Variants in GLMN observed in about 807,000 individuals in gnomAD.
The protein encoded by GLMN is glomulin, FKBP associated protein.
In GLMN, 75 loss-of-function variants were observed where a neutral mutation model predicts 87.8. That is an observed-to-expected ratio of 0.85 (90% CI 0.71 to 1.04). GLMN has a LOEUF of 1.04. Ranked by LOEUF, GLMN falls within the 50% of genes least tolerant of loss-of-function variation. The pLI is 0.00. For missense variants in GLMN, 588 were observed against 658.8 expected (o/e 0.89, Z 1.18); for synonymous variants, 206 against 221.6 (o/e 0.93, Z 0.63).
the GLMN span, among the ~76,000 whole-genome samples, chr1:92,323,042 C>A: frequency 7.0e-6 from 1 of 142,530 alleles, no homozygotes; most frequent in Non-Finnish European, 1.5e-5. Flanking sequence ...ATTTATATAT[C>A]TTTATATTTA....
intron 7 of GLMN, among the ~76,000 whole-genome samples, chr1:92,272,489 T>A (rs946168554): frequency 1.3e-5 from 2 of 152,204 alleles, no homozygotes. Flanking sequence ...ATTTTATGTA[T>A]ATTTCACCAC....
chr1:92,272,235 C>T (rs1335476475), intron 7 of GLMN, among the ~76,000 whole-genome samples: 1 of 152,236 alleles, frequency 6.6e-6, no homozygotes, highest in Non-Finnish European at 1.5e-5. Flanking sequence ...AACAACTGGC[C>T]TGTAGCCCAA....
chr1:92,298,025 A>T lies in GLMN; in HGVS notation c.-26T>A, dbSNP rs1452992586. ...TCTTATTTCTCCTAGTTTCGATGCT[A>T]AAATCTACAAATACAAAACACACTG... On this transcript the variant is annotated 5_prime_UTR_variant, in exon 2 of 19. Coordinates refer to ENST00000370360, the MANE Select transcript of GLMN (RefSeq NM_053274.3). The T allele has an allele frequency of 1.7e-5, 24 of 1,377,034 alleles. No individual in the cohort carries two copies. Among genetic ancestry groups the T allele is most frequent in the Non-Finnish European group, 2.4e-5 (23 of 964,674 alleles). The allele number at this position is 1,377,034 out of a possible 1,614,324, so 85.3% of individuals were successfully genotyped here.
At chr1:92,252,290 A>G (rs917973440) in intron 16 of GLMN, among the ~76,000 whole-genome samples, 1 of 152,214 alleles carries the variant, frequency 6.6e-6, no homozygotes, top group African/African-American at 2.4e-5. Flanking sequence ...TCATGCCTGT[A>G]ATCCCAGATG....
chr1:92,266,564 A>ACC, intron 12 of GLMN, 72 bp from the exon 13 acceptor site: 3 of 1,025,592 alleles, frequency 2.9e-6, no homozygotes, highest in Non-Finnish European at 4.6e-6. Flanking sequence ...TATCCATTTT[A>ACC]TGCATGTAAT....
the GLMN span, among the ~76,000 whole-genome samples, chr1:92,329,626 C>T: frequency 2.0e-5 from 3 of 152,140 alleles, no homozygotes; most frequent in Admixed American, 2.0e-4. Context: ...CTCCACATGC[C>T]GCTCTGTCTG....
At chr1:92,350,630 T>C in the GLMN span, among the ~76,000 whole-genome samples, 3 of 152,248 alleles carry the variant, frequency 2.0e-5, no homozygotes, top group Non-Finnish European at 2.9e-5. Context: ...TAAAAATGTA[T>C]ATAAGTATAT....
the GLMN span, among the ~76,000 whole-genome samples, chr1:92,340,753 A>G: frequency 6.6e-6 from 1 of 152,148 alleles, no homozygotes. Context: ...CAGTGAATAG[A>G]GCTGTCTTTT....
the GLMN span, among the ~76,000 whole-genome samples, chr1:92,315,836 C>T: frequency 3.9e-5 from 6 of 152,144 alleles, no homozygotes; most frequent in South Asian, 1.2e-3. Flanking sequence ...CAGTGGTTCT[C>T]ACAAAATGTC....
chr1:92,255,031 C>T (rs1429980710), intron 16 of GLMN, among the ~76,000 whole-genome samples: 3 of 151,102 alleles, frequency 2.0e-5, no homozygotes, highest in African/African-American at 7.3e-5. Context: ...TGAAAAGACA[C>T]ACATAGGCTC....
chr1:92,301,502 G>A (rs1650855992), upstream of GLMN: 3 of 1,593,232 alleles, frequency 1.9e-6, no homozygotes, highest in African/African-American at 2.7e-5. Context: ...GCAGCTGTGA[G>A]AAAGAAGATT....
chr1:92,307,662 T>C, the GLMN span, among the ~76,000 whole-genome samples: 3 of 152,168 alleles, frequency 2.0e-5, no homozygotes, highest in Non-Finnish European at 2.9e-5. Flanking sequence ...AAAGTTCAGG[T>C]TCATTTAATC....
chr1:92,285,381 G>A (rs1024221096), intron 7 of GLMN, among the ~76,000 whole-genome samples: 21 of 152,082 alleles, frequency 1.4e-4, no homozygotes, highest in Middle Eastern at 3.4e-3. Flanking sequence ...ACCAAACACC[G>A]CAGGTTCTTA....
At chr1:92,366,391 A>G in the GLMN span, among the ~76,000 whole-genome samples, 1 of 152,228 alleles carries the variant, frequency 6.6e-6, no homozygotes, top group Non-Finnish European at 1.5e-5. Context: ...ACTGAAAAAC[A>G]ACATCAATAA....
At chr1:92,259,728 C>CTTTTTTTTT (rs1654757103) in intron 16 of GLMN, among the ~76,000 whole-genome samples, 1 of 111,180 alleles carries the variant, frequency 9.0e-6, no homozygotes. Flanking sequence ...TCTTTTTTTT[C>CTTTTTTTTT]TTTCTTTTTT....
At chr1:92,282,578 A>C (rs1317326702) in intron 7 of GLMN, among the ~76,000 whole-genome samples, 1 of 152,232 alleles carries the variant, frequency 6.6e-6, no homozygotes, top group Non-Finnish European at 1.5e-5. Flanking sequence ...GAAAAGCAAG[A>C]GCAAACAAAT....
intron 7 of GLMN, among the ~76,000 whole-genome samples, chr1:92,283,064 A>G (rs2100999270): frequency 6.6e-6 from 1 of 152,332 alleles, no homozygotes. Context: ...AGGAGATGGT[A>G]CCATTCCTTC....
the GLMN span, among the ~76,000 whole-genome samples, chr1:92,358,104 G>A: frequency 1.3e-5 from 2 of 152,142 alleles, no homozygotes; most frequent in African/African-American, 4.8e-5. Flanking sequence ...GTCTTTCAGA[G>A]ATCTGGAGCC....
Position 92,266,698 on chromosome 1 carries a change from A to G in GLMN, c.1140+2T>C. 2 of 1,577,520 alleles carry G rather than the reference A, an allele frequency of 1.3e-6. No individual in the cohort carries two copies. Among genetic ancestry groups the G allele is most frequent in the African/African-American group, 1.3e-5 (1 of 74,350 alleles). On this transcript the variant is annotated splice_donor_variant, in intron 12 of 18. Transcript: ENST00000370360. LOFTEE classifies it high-confidence loss of function. ...TTCTTTAGTCACCAAATATTTACAT[A>G]CCAGTGTCTCAATGGGGCAAAGTGT...
Sources: allele counts gnomAD v4.1 joint callset (sites outside exome capture counted in the v4.1 genomes callset), GRCh38; gene constraint gnomAD v4.1.1; transcripts MANE v1.5; gene names NCBI Gene and HGNC (gene_info 2026-07-23, HGNC 2026-07-21).